RAB4A: variants seen among roughly 807,000 people sequenced by gnomAD.
RAB4A encodes ras-related protein Rab-4A.
A neutral mutation model predicts 34.5 loss-of-function variants in RAB4A; 20 were observed. The ratio of observed to expected loss-of-function variants is 0.58; its 90% CI spans 0.41 to 0.84. RAB4A has a LOEUF of 0.84. RAB4A is among the 40% of genes least tolerant of loss of function. The probability of loss-of-function intolerance (pLI) is 0.00; values close to 1 mark genes in which losing one functional copy is unlikely to be tolerated. For synonymous variants in RAB4A, 102 were observed against 100.0 expected, an observed-to-expected ratio of 1.02 and a Z score of -0.12; for missense variants, 228 against 274.5, an observed-to-expected ratio of 0.83 and a Z score of 1.20.
intron 1 of RAB4A, among the ~76,000 whole-genome samples, chr1:229,275,666 G>C (rs1479132816): frequency 6.7e-6 from 1 of 148,316 alleles, no homozygotes; most frequent in Non-Finnish European, 1.5e-5. Flanking sequence ...TGTTGCCCAG[G>C]CTGGAGTGCA....
chr1:229,274,838 A>G (rs1244156651), intron 1 of RAB4A, among the ~76,000 whole-genome samples: 5 of 152,234 alleles, frequency 3.3e-5, no homozygotes, highest in Non-Finnish European at 7.3e-5. Context: ...AAATCTCTAC[A>G]TATATTAGAG....
chr1:229,288,895 TTGA>T, intron 3 of RAB4A, 52 bp downstream of exon 3: 2 of 1,086,490 alleles, frequency 1.8e-6, no homozygotes, highest in Non-Finnish European at 2.8e-6. Context: ...TTTAAAATAA[TTGA>T]TGATATTCTC....
intron 1 of RAB4A, among the ~76,000 whole-genome samples, chr1:229,284,319 G>A (rs566540112): frequency 1.3e-5 from 2 of 151,628 alleles, no homozygotes; most frequent in African/African-American, 2.4e-5. Context: ...GGCTGGTCTC[G>A]AACTCCTGAC....
chr1:229,272,094 T>C (rs1231147042), intron 1 of RAB4A, among the ~76,000 whole-genome samples: 1 of 152,108 alleles, frequency 6.6e-6, no homozygotes, highest in African/African-American at 2.4e-5. Context: ...AAGCGAAAGC[T>C]TTCCCAGTGC....
chr1:229,299,822 G>A (rs932288160), intron 6 of RAB4A, among the ~76,000 whole-genome samples: 1 of 152,128 alleles, frequency 6.6e-6, no homozygotes, highest in African/African-American at 2.4e-5. Flanking sequence ...CAAGGCTGAT[G>A]TAGTAGCTGA....
chr1:229,292,837 A>G (rs760947746), intron 3 of RAB4A, among the ~76,000 whole-genome samples: 1 of 151,590 alleles, frequency 6.6e-6, no homozygotes, highest in African/African-American at 2.4e-5. Context: ...AGCCAGTCGG[A>G]TTCTCTGACA....
chr1:229,282,995 TGAG>T (rs778824891), intron 1 of RAB4A, among the ~76,000 whole-genome samples: 5 of 152,236 alleles, frequency 3.3e-5, no homozygotes, highest in Non-Finnish European at 5.9e-5. Flanking sequence ...CTTGGTATGA[TGAG>T]GAGTTTTCAA....
intron 1 of RAB4A, among the ~76,000 whole-genome samples, chr1:229,284,222 C>T (rs971529324): frequency 2.0e-5 from 3 of 150,920 alleles, no homozygotes; most frequent in African/African-American, 4.9e-5. Flanking sequence ...GCCTCAGCCT[C>T]CTGAGTAGCT....
chr1:229,296,030 T>C, intron 4 of RAB4A, 120 bp downstream of exon 4: 1 of 1,017,532 alleles, frequency 9.8e-7, no homozygotes, highest in Non-Finnish European at 1.5e-6. Flanking sequence ...GTGGTGTGGC[T>C]GGCATCCAGG....
chr1:229,276,992 AATATAG>A (rs1377497918), intron 1 of RAB4A, among the ~76,000 whole-genome samples: 1 of 146,646 alleles, frequency 6.8e-6, no homozygotes, highest in Non-Finnish European at 1.5e-5. Context: ...ATCTATATAT[AATATAG>A]ATATATATAA....
At chr1:229,284,223 C>T (rs1158367823) in intron 1 of RAB4A, among the ~76,000 whole-genome samples, 1 of 150,962 alleles carries the variant, frequency 6.6e-6, no homozygotes, top group Non-Finnish European at 1.5e-5. Context: ...CCTCAGCCTC[C>T]TGAGTAGCTG....
At chr1:229,302,813 C>T in intron 6 of RAB4A, 49 bp from the exon 7 acceptor site, 2 of 1,268,826 alleles carry the variant, frequency 1.6e-6, no homozygotes, top group South Asian at 1.3e-5. Flanking sequence ...TTTTTGGAAT[C>T]AAAGAAACAT....
chr1:229,282,601 T>A (rs1430514035), intron 1 of RAB4A, among the ~76,000 whole-genome samples: 1 of 152,240 alleles, frequency 6.6e-6, no homozygotes, highest in Admixed American at 6.5e-5. Flanking sequence ...CTGCAGGTCC[T>A]TGAGGCTCTG....
Position 229,295,885 on chromosome 1 carries a change from G to A in RAB4A, c.265G>A (p.Ala89Thr). 1 of 1,614,060 alleles carries A rather than the reference G, an allele frequency of 6.2e-7. No individual in the cohort carries two copies. Among genetic ancestry groups the A allele is most frequent in the South Asian group, 1.1e-5 (1 of 91,062 alleles). The change falls in exon 4 of 8, where the codon GCT becomes ACT. Residue 89 changes from alanine to threonine, a missense_variant. By Grantham distance (58) the Ala-to-Thr change is moderately conservative. Transcript: ENST00000366690. ...TRSYYRGAAG[A>T]LLVYDITSRE... ...AAGTTATTACCGAGGCGCGGCCGGG[G>A]CTCTCCTCGTCTATGATATCACCAG...
chr1:229,297,669 A>G, intron 5 of RAB4A, 33 bp downstream of exon 5: 1 of 1,535,022 alleles, frequency 6.5e-7, no homozygotes, highest in Non-Finnish European at 8.8e-7. Flanking sequence ...CTATTTTTCA[A>G]ATCGCATATT....
At chr1:229,294,784 C>G (rs1226074935) in intron 3 of RAB4A, among the ~76,000 whole-genome samples, 1 of 152,106 alleles carries the variant, frequency 6.6e-6, no homozygotes, top group Non-Finnish European at 1.5e-5. Flanking sequence ...GAGCTGAGAT[C>G]GCGCCATTGC....
At chr1:229,289,387 T>C (rs1238161346) in intron 3 of RAB4A, among the ~76,000 whole-genome samples, 1 of 152,228 alleles carries the variant, frequency 6.6e-6, no homozygotes, top group Admixed American at 6.5e-5. Context: ...GAAAATAGAT[T>C]AATATTTTAG....
intron 1 of RAB4A, among the ~76,000 whole-genome samples, chr1:229,278,365 C>T (rs923509686): frequency 4.6e-5 from 7 of 152,290 alleles, no homozygotes; most frequent in African/African-American, 1.7e-4. Flanking sequence ...TCTCTGCTTC[C>T]AGCTGGGTAC....
Position 229,297,545 on chromosome 1 carries a change from C to G in RAB4A, c.354C>G (p.Asn118Lys). The change falls in exon 5 of 8, where the codon AAC (asparagine) becomes AAG (lysine). Residue 118 changes from asparagine to lysine, a missense_variant. By Grantham distance (94) the Asn-to-Lys change is moderately conservative (BLOSUM62 0). Transcript: ENST00000366690. ...LTDARMLASQ[N>K]IVIILCGNKK... ...ATGCCCGAATGCTAGCGAGCCAGAA[C>G]ATTGTGATCATCCTTTGTGGAAACA... 1 of 1,613,220 alleles carries G rather than the reference C, an allele frequency of 6.2e-7. No individual in the cohort carries two copies. Among genetic ancestry groups the G allele is most frequent in the Non-Finnish European group, 8.5e-7 (1 of 1,179,894 alleles).
Sources: allele counts gnomAD v4.1 joint callset (sites outside exome capture counted in the v4.1 genomes callset), GRCh38; gene constraint gnomAD v4.1.1; transcripts MANE v1.5; gene names NCBI Gene and HGNC (gene_info 2026-07-23, HGNC 2026-07-21).